FN1: variants seen among roughly 807,000 people sequenced by gnomAD.
FN1 encodes fibronectin.
Under a neutral mutation model 297.3 loss-of-function variants are expected in FN1, and 106 were observed. The ratio of observed to expected loss-of-function variants is 0.36; its 90% CI spans 0.30 to 0.42. The LOEUF is 0.42. FN1 is among the 10% of genes least tolerant of loss of function. The pLI is 1.00. For missense variants in FN1, 2,690 were observed against 3,124.9 expected, an observed-to-expected ratio of 0.86 and a Z score of 3.32; for synonymous variants, 1,149 against 1,152.6, an observed-to-expected ratio of 1.00 and a Z score of 0.06.
intron 10 of FN1, chr2:215,421,062 A>G (rs2064257280): frequency 2.3e-6 from 1 of 436,102 alleles, no homozygotes; most frequent in Non-Finnish European, 4.3e-6. Context: ...ATGTGGTAAA[A>G]TACACTTTCC....
At chr2:215,403,093 A>G (rs1022600997) in intron 20 of FN1, among the ~76,000 whole-genome samples, 3 of 152,208 alleles carry the variant, frequency 2.0e-5, no homozygotes, top group Admixed American at 1.3e-4. Context: ...AAGGACATTT[A>G]TAAGAAATGA....
intron 11 of FN1, 77 bp from the exon 12 acceptor site, chr2:215,419,462 T>A: frequency 8.3e-7 from 1 of 1,200,640 alleles, no homozygotes; most frequent in East Asian, 2.3e-5. Flanking sequence ...TGCTAGAGCA[T>A]ACATTTAGCT....
intron 17 of FN1, 50 bp from the exon 18 acceptor site, chr2:215,407,371 G>A (rs775737245): frequency 1.4e-6 from 2 of 1,470,990 alleles, no homozygotes; most frequent in Non-Finnish European, 9.5e-7. Flanking sequence ...TTGAGACAGA[G>A]GCTTAGAAAC....
chr2:215,362,983 G>A (rs1165176815), intron 44 of FN1: 1 of 152,144 alleles, frequency 6.6e-6, no homozygotes, highest in African/African-American at 2.4e-5. Context: ...GCTTGAGTTG[G>A]ACTTTTTTCT....
chr2:215,375,461 C>T, intron 37 of FN1, 68 bp from the exon 38 acceptor site: 1 of 1,469,840 alleles, frequency 6.8e-7, no homozygotes, highest in Non-Finnish European at 9.4e-7. Flanking sequence ...ACACTTTTCT[C>T]CCGAGCCGTT....
rs2060399687 is a variant in FN1 at position 215,397,226 on chromosome 2, A to G, written c.3518-3T>C. ...CAAGTTTGTTGGTGGAGACAATGCT[A>G]TGCAGAAAGAACATTTTAAAAGTCA... is the stretch of plus-strand genomic sequence containing the variant. On this transcript the variant is annotated splice_region_variant and splice_polypyrimidine_tract_variant and intron_variant, in intron 22 of 45. Coordinates refer to ENST00000354785, the MANE Select transcript of FN1 (RefSeq NM_212482.4). 1 of 1,607,136 alleles carries G rather than the reference A, an allele frequency of 6.2e-7. No homozygotes were observed. Among genetic ancestry groups the G allele is most frequent in the Non-Finnish European group, 8.5e-7 (1 of 1,173,630 alleles).
intron 8 of FN1, among the ~76,000 whole-genome samples, chr2:215,423,749 AC>A (rs34325359): frequency 8.0e-5 from 12 of 150,846 alleles, no homozygotes; most frequent in African/African-American, 1.5e-4. Context: ...TTTCCCCAGC[AC>A]CCCCCCCACA....
chr2:215,417,871 TGA>T (rs1453256655), intron 12 of FN1, among the ~76,000 whole-genome samples: 2 of 152,164 alleles, frequency 1.3e-5, no homozygotes, highest in Non-Finnish European at 2.9e-5. Flanking sequence ...AGCCTTATGT[TGA>T]GAGAGACGAA....
intron 45 of FN1, 95 bp downstream of exon 45, chr2:215,361,874 A>C: frequency 1.4e-6 from 2 of 1,477,052 alleles, no homozygotes; most frequent in African/African-American, 2.9e-5. Flanking sequence ...TTTTTTTTTA[A>C]TTAATTAAAA....
At chr2:215,423,180 T>TCACACACACACACACACA (rs9288509) in intron 9 of FN1, among the ~76,000 whole-genome samples, 170 bp downstream of exon 9, 4 of 148,872 alleles carry the variant, frequency 2.7e-5, no homozygotes, top group African/African-American at 9.9e-5. Flanking sequence ...TGATGTAACA[T>TCACACACACACACACACA]CACACACACA....
intron 9 of FN1, among the ~76,000 whole-genome samples, chr2:215,422,626 A>G (rs1051316103): frequency 6.6e-6 from 1 of 152,226 alleles, no homozygotes; most frequent in Non-Finnish European, 1.5e-5. Flanking sequence ...TAGAATTACA[A>G]GCAAAAGTGG....
At chr2:215,404,367 A>G in intron 20 of FN1, 22 bp downstream of exon 20, 1 of 1,610,514 alleles carries the variant, frequency 6.2e-7, no homozygotes, top group East Asian at 2.2e-5. Context: ...AGTTAAGAAA[A>G]GGCACTTAAT....
chr2:215,422,433 C>T (rs2064569624), intron 9 of FN1, among the ~76,000 whole-genome samples, 190 bp from the exon 10 acceptor site: 1 of 152,102 alleles, frequency 6.6e-6, no homozygotes, highest in Admixed American at 6.6e-5. Flanking sequence ...AGGCAGAAAA[C>T]GTAGTCCAAA....
Position 215,380,742 on chromosome 2 carries a change from C to G in FN1, c.5434+69G>C, listed in dbSNP as rs2058085216. The G allele has an allele frequency of 9.1e-6, 14 of 1,545,820 alleles. No homozygotes were observed. The Admixed American group carries it at 2.3e-4, about 26-fold the overall frequency. On this transcript the variant is annotated intron_variant, in intron 33 of 45. Transcript: ENST00000354785. ...CACGGGAATCAATAGCCCAGTGAAG[C>G]ATAATTCATTCAGTAGGGCATAAAG...
chr2:215,416,691 A>T (rs1250269), intron 12 of FN1, among the ~76,000 whole-genome samples: 143,683 of 152,292 alleles, frequency 0.94, 67,969 homozygotes, highest in East Asian at 1. Context: ...CTTATGATGG[A>T]TAAATGTCTA....
At chr2:215,427,855 C>T (rs568426816) in intron 6 of FN1, among the ~76,000 whole-genome samples, 6 of 151,980 alleles carry the variant, frequency 3.9e-5, no homozygotes, top group African/African-American at 9.6e-5. Flanking sequence ...ATTCAAAATA[C>T]GTGTGTGTGT....
rs746475547 is a variant in FN1 at position 215,365,573 on chromosome 2, C to A, written c.7076G>T (p.Gly2359Val). ...YKIGEKWDRQ[G>V]ENGQMMSCTC... is the part of the protein sequence containing the mutation. ...GCAGCTCATCATCTGGCCATTTTCT[C>A]CCTGACGGTCCCACTTCTCTCCAAT... The change falls in exon 43 of 46, where the codon GGA (glycine) becomes GTA (valine). Residue 2359 changes from glycine (G) to valine (V), a missense_variant. Physicochemically the swap from Gly to Val is moderately radical, Grantham distance 109. Around this residue, in one of 3 missense-constraint regions of FN1, gnomAD observed 1,743 missense variants for 1,945.2 expected, o/e 0.90. Coordinates refer to ENST00000354785, the MANE Select transcript of FN1 (RefSeq NM_212482.4). The A allele has an allele frequency of 2.5e-6, 4 of 1,613,942 alleles. No individual in the cohort carries two copies. The Admixed American group carries it at 6.7e-5, about 27-fold the overall frequency.
Position 215,361,496 on chromosome 2 carries a change from C to G in FN1, c.*59G>C, listed in dbSNP as rs1031803451. On this transcript the variant is annotated 3_prime_UTR_variant, in exon 46 of 46. Transcript: ENST00000354785. ...CTAAGCTGGGTCTGCTAACATCACT[C>G]CAGTTTAGATGGATCTTGGCAGAGA... 1.7e-5 allele frequency: 21 copies of G among 1,213,232 alleles called. No homozygotes were observed. The East Asian group carries it at 4.9e-4, about 28-fold the overall frequency. 75.2% of individuals were successfully genotyped at this position (1,213,232 alleles called of 1,614,324 possible).
At chr2:215,415,165 A>G (rs773797076) in intron 12 of FN1, among the ~76,000 whole-genome samples, 7 of 152,224 alleles carry the variant, frequency 4.6e-5, no homozygotes, top group South Asian at 2.1e-4. Flanking sequence ...TATTCTTCAC[A>G]TGAGAAATGC....
Sources: allele counts gnomAD v4.1 joint callset (sites outside exome capture counted in the v4.1 genomes callset), GRCh38; gene constraint gnomAD v4.1.1; regional missense constraint gnomAD v4.1.1; transcripts MANE v1.5; gene names NCBI Gene and HGNC (gene_info 2026-07-23, HGNC 2026-07-21).